The following CDK17 variants were observed in gnomAD, a reference collection of about 807,000 sequenced individuals.
The protein encoded by CDK17 is cyclin dependent kinase 17.
Under a neutral mutation model 77.6 loss-of-function variants are expected in CDK17, and 24 were observed. That is an observed-to-expected ratio of 0.31 (90% confidence interval 0.22 to 0.44). The LOEUF is 0.44. CDK17 is among the 20% of genes least tolerant of loss of function. The pLI is 1.00. For synonymous variants in CDK17, 203 were observed against 210.4 expected (o/e 0.96, Z 0.30); for missense variants, 429 against 622.5 (o/e 0.69, Z 3.31).
chr12:96,293,074 A>G (rs1408289836), intron 10 of CDK17, among the ~76,000 whole-genome samples: 1 of 152,232 alleles, frequency 6.6e-6, no homozygotes, highest in East Asian at 1.9e-4. Context: ...GCAAATTTTA[A>G]AATATTATTT....
chr12:96,294,488 C>A (rs541317515), intron 10 of CDK17, among the ~76,000 whole-genome samples: 1 of 143,614 alleles, frequency 7.0e-6, no homozygotes, highest in Non-Finnish European at 1.5e-5. Context: ...GAGGCTGAGG[C>A]AGGAGAGTCA....
chr12:96,345,129 T>C (rs1190914304), intron 1 of CDK17, among the ~76,000 whole-genome samples: 1 of 152,254 alleles, frequency 6.6e-6, no homozygotes, highest in Non-Finnish European at 1.5e-5. Flanking sequence ...GTTTCCAGCC[T>C]TAACCATGTC....
chr12:96,394,257 A>C (rs578003231), intron 1 of CDK17, among the ~76,000 whole-genome samples: 180 of 152,172 alleles, frequency 1.2e-3, no homozygotes, highest in Non-Finnish European at 2.1e-3. Context: ...AAAAAAAAAA[A>C]AATTTCTCAC....
chr12:96,309,828 T>C (rs926977870), intron 5 of CDK17, among the ~76,000 whole-genome samples: 1 of 152,188 alleles, frequency 6.6e-6, no homozygotes, highest in South Asian at 2.1e-4. Flanking sequence ...AAAATAATAA[T>C]TTTTAAAAGA....
At chr12:96,301,764 T>A (rs905288537) in intron 5 of CDK17, among the ~76,000 whole-genome samples, 2 of 152,164 alleles carry the variant, frequency 1.3e-5, no homozygotes, top group African/African-American at 2.4e-5. Context: ...CAATTTTCCT[T>A]GGAACTGTGG....
rs190872624 is a variant in CDK17 at position 96,284,242 on chromosome 12, G to A, written c.1323-597C>T. On this transcript the variant is annotated intron_variant, in intron 13 of 16. Transcript: ENST00000261211. ...TCCCAGCACTTTGGGAGGCCGAGGC[G>A]GGTGGATCACGAGGTCAGGAGATCG... 9.9e-3 allele frequency among the ~76,000 whole-genome samples: 1,511 copies of A among 152,108 alleles called. 10 individuals are homozygous for A. Among genetic ancestry groups the A allele is most frequent in the Non-Finnish European group, 0.015 (1,036 of 67,970 alleles).
intron 1 of CDK17, among the ~76,000 whole-genome samples, chr12:96,378,563 C>T (rs1953824759): frequency 6.6e-6 from 1 of 152,204 alleles, no homozygotes; most frequent in African/African-American, 2.4e-5. Context: ...GGTGTGCTCA[C>T]TGCTACAGGG....
At chr12:96,376,237 ATAG>A (rs1953780698) in intron 1 of CDK17, among the ~76,000 whole-genome samples, 1 of 152,232 alleles carries the variant, frequency 6.6e-6, no homozygotes, top group South Asian at 2.1e-4. Context: ...TTTTCAATAA[ATAG>A]TAGCAAATGA....
intron 1 of CDK17, among the ~76,000 whole-genome samples, chr12:96,364,727 T>C (rs1345012863): frequency 2.0e-5 from 3 of 152,238 alleles, no homozygotes; most frequent in Non-Finnish European, 4.4e-5. Context: ...TGCTCTTTAC[T>C]TGAGTCCCTA....
At position 96,289,207 on chromosome 12, in the gene CDK17, G is replaced by C; in HGVS notation, c.1078C>G (p.Leu360Val). The C allele has an allele frequency of 6.2e-7, 1 of 1,613,946 alleles. No homozygotes were observed. Among genetic ancestry groups the C allele is most frequent in the Non-Finnish European group, 8.5e-7 (1 of 1,179,846 alleles). ...GTTGAGTACTCCGAGGAACCAAGAA[G>C]CACATCAGGTGGCCGGTACCATAGT... ...VTLWYRPPDV[L>V]LGSSEYSTQI... The change falls in exon 11 of 17, where the codon CTT (leucine) becomes GTT (valine). Residue 360 changes from leucine (L) to valine (V), a missense_variant. Physicochemically the swap from Leu to Val is conservative, Grantham distance 32 (BLOSUM62 1). Transcript: ENST00000261211.
intron 5 of CDK17, among the ~76,000 whole-genome samples, chr12:96,302,860 A>C (rs1952526674): frequency 6.6e-6 from 1 of 152,178 alleles, no homozygotes; most frequent in Admixed American, 6.5e-5. Flanking sequence ...ATCAGTCTAT[A>C]AAATAAACAA....
intron 5 of CDK17, among the ~76,000 whole-genome samples, chr12:96,308,252 A>AAAAAAG (rs750453479): frequency 7.0e-6 from 1 of 143,496 alleles, no homozygotes; most frequent in Admixed American, 7.2e-5. Flanking sequence ...AAAAAAAAAA[A>AAAAAAG]GTTTTTTAAT....
At chr12:96,291,378 A>G (rs1952322045) in intron 10 of CDK17, among the ~76,000 whole-genome samples, 2 of 151,864 alleles carry the variant, frequency 1.3e-5, no homozygotes, top group Admixed American at 1.3e-4. Context: ...TGAAGCCTCA[A>G]CCTCCCGGGC....
chr12:96,304,857 T>C (rs1342162021), intron 5 of CDK17, among the ~76,000 whole-genome samples: 1 of 152,186 alleles, frequency 6.6e-6, no homozygotes, highest in Non-Finnish European at 1.5e-5. Flanking sequence ...AAGGACTTGA[T>C]TGTATTTTCT....
intron 2 of CDK17, among the ~76,000 whole-genome samples, chr12:96,328,827 G>C (rs576585726): frequency 2.0e-5 from 3 of 152,154 alleles, no homozygotes; most frequent in Non-Finnish European, 4.4e-5. Context: ...TATGGTAGTT[G>C]AAATTGTAGG....
chr12:96,279,081 C>T lies in CDK17; in HGVS notation c.*1161G>A, dbSNP rs1952140632. On this transcript the variant is annotated 3_prime_UTR_variant, in exon 17 of 17. Transcript: ENST00000261211. Reference sequence around the variant, plus strand: ...TGTAAGATGCACTAAACAAATAGTCCTTAAAAGTGAACAAAAATGCTTAAA... The same window carrying T: ...TGTAAGATGCACTAAACAAATAGTCTTTAAAAGTGAACAAAAATGCTTAAA... 2 of 152,448 alleles carry T rather than the reference C, an allele frequency of 1.3e-5. No homozygotes were observed. Among genetic ancestry groups the T allele is most frequent in the South Asian group, 4.1e-4 (2 of 4,832 alleles). 9.4% of individuals were successfully genotyped at this position (152,448 alleles called of 1,614,324 possible). A position where few individuals can be genotyped will look rare whatever the true frequency, so the allele number is the denominator to read the frequency against.
At chr12:96,392,664 T>C (rs151081345) in intron 1 of CDK17, among the ~76,000 whole-genome samples, 1,533 of 152,168 alleles carry the variant, frequency 0.01, 49 homozygotes, top group Admixed American at 0.064. Context: ...TTCACTGAAA[T>C]TGGGAACAGA....
rs192539132 is a variant in CDK17 at position 96,287,063 on chromosome 12, A to G, written c.1119-302T>C. On this transcript the variant is annotated intron_variant, in intron 11 of 16. Coordinates refer to ENST00000261211, the MANE Select transcript of CDK17 (RefSeq NM_002595.5). ...TACTATGTGTTAGAAATGTTTTTTA[A>G]GTGCACCAATTATCTCACTGAATCC... is the stretch of plus-strand genomic sequence containing the variant. Among the ~76,000 whole-genome samples, 107 of 152,336 alleles carry G rather than the reference A, an allele frequency of 7.0e-4. 2 individuals are homozygous for G. The highest frequency in any genetic ancestry group is 6.9e-3 in the Admixed American group (106 of 15,304).
chr12:96,394,065 G>T (rs1260792478), intron 1 of CDK17, among the ~76,000 whole-genome samples: 1 of 151,928 alleles, frequency 6.6e-6, no homozygotes, highest in African/African-American at 2.4e-5. Context: ...GGCCAACATG[G>T]TGAAACCCTA....
Sources: allele counts gnomAD v4.1 joint callset (sites outside exome capture counted in the v4.1 genomes callset), GRCh38; gene constraint gnomAD v4.1.1; transcripts MANE v1.5; gene names NCBI Gene and HGNC (gene_info 2026-07-23, HGNC 2026-07-21).